Variants in UBR1 observed in about 807,000 individuals in gnomAD.
UBR1 encodes ubiquitin protein ligase E3 component n-recognin 1.
Under a neutral mutation model 242.1 loss-of-function variants are expected in UBR1, and 102 were observed. The observed-to-expected ratio is 0.42, with a 90% CI of 0.36 to 0.50. The LOEUF (loss-of-function observed/expected upper bound fraction) is 0.50. Ranked by LOEUF, UBR1 falls within the 20% of genes least tolerant of loss-of-function variation. The pLI, the probability that UBR1 is intolerant of heterozygous loss-of-function variation, is 0.01. For missense variants in UBR1, 1,772 were observed against 2,101.8 expected (o/e 0.84, Z 3.07); for synonymous variants, 675 against 684.8 (o/e 0.99, Z 0.22).
intron 46 of UBR1, among the ~76,000 whole-genome samples, chr15:42,947,883 C>T (rs1218036538): frequency 1.3e-5 from 2 of 152,066 alleles, no homozygotes; most frequent in Non-Finnish European, 2.9e-5. Context: ...AGATTCAATG[C>T]CATCCCCATC....
At chr15:43,077,963 A>T (rs2033927926) in intron 3 of UBR1, among the ~76,000 whole-genome samples, 1 of 152,194 alleles carries the variant, frequency 6.6e-6, no homozygotes. Context: ...TACTAGGAGA[A>T]CAACAAAAAA....
intron 40 of UBR1, among the ~76,000 whole-genome samples, chr15:42,966,669 C>T (rs1018051087): frequency 2.5e-4 from 37 of 147,030 alleles, no homozygotes; most frequent in African/African-American, 7.3e-4. Flanking sequence ...CAGAGCGAGA[C>T]GCTGACTCAA....
At chr15:43,082,775 T>C in intron 2 of UBR1, 59 bp from the exon 3 acceptor site, 1 of 1,255,282 alleles carries the variant, frequency 8.0e-7, no homozygotes. Flanking sequence ...ATGCTCAAGG[T>C]ATGACTATAA....
intron 6 of UBR1, among the ~76,000 whole-genome samples, chr15:43,065,781 G>A (rs2033745360): frequency 6.6e-6 from 1 of 152,120 alleles, no homozygotes; most frequent in African/African-American, 2.4e-5. Flanking sequence ...TTTGAGAAGT[G>A]TCTGTTCATG....
chr15:43,095,127 C>T lies in UBR1; in HGVS notation c.82-8887G>A, dbSNP rs373700142. Among the ~76,000 whole-genome samples the T allele has an allele frequency of 4.6e-5, 7 of 152,278 alleles. No individual in the cohort carries two copies. The East Asian group carries it at 1.2e-3, about 25-fold the overall frequency. ...TATGGAATATATATCTGCAAACCAA[C>T]TAAAATCCTCTCTTAAATTACAAGG... On this transcript the variant is annotated intron_variant, in intron 1 of 46. Coordinates refer to ENST00000290650, the MANE Select transcript of UBR1 (RefSeq NM_174916.3).
At chr15:43,097,948 G>A (rs2034180694) in intron 1 of UBR1, among the ~76,000 whole-genome samples, 1 of 152,114 alleles carries the variant, frequency 6.6e-6, no homozygotes. Flanking sequence ...TCACAACTTG[G>A]CTAACTGCTT....
chr15:42,981,305 T>A (rs2032374493), intron 37 of UBR1, among the ~76,000 whole-genome samples: 1 of 152,176 alleles, frequency 6.6e-6, no homozygotes, highest in African/African-American at 2.4e-5. Context: ...ACCTATCTAC[T>A]TGAACACATC....
At chr15:43,009,897 A>T (rs1421509888) in intron 29 of UBR1, among the ~76,000 whole-genome samples, 1 of 152,092 alleles carries the variant, frequency 6.6e-6, no homozygotes, top group African/African-American at 2.4e-5. Flanking sequence ...TTTGAGACAG[A>T]GTCTTGCACT....
chr15:42,957,434 G>T (rs1407418422), intron 44 of UBR1, among the ~76,000 whole-genome samples: 1 of 152,164 alleles, frequency 6.6e-6, no homozygotes, highest in Non-Finnish European at 1.5e-5. Flanking sequence ...TAAAGAGGTG[G>T]TGATTGTACA....
chr15:43,065,606 T>C (rs1036005261), intron 6 of UBR1, among the ~76,000 whole-genome samples: 3 of 152,068 alleles, frequency 2.0e-5, no homozygotes, highest in African/African-American at 7.2e-5. Context: ...CAGCATGCAG[T>C]GTTTGGTTTT....
chr15:43,041,708 TGTGTCTCAAA>T (rs1408398542), intron 15 of UBR1, among the ~76,000 whole-genome samples: 1 of 152,130 alleles, frequency 6.6e-6, no homozygotes, highest in Non-Finnish European at 1.5e-5. Flanking sequence ...CAAAAACTCC[TGTGTCTCAAA>T]GAAGACCATC....
intron 5 of UBR1, among the ~76,000 whole-genome samples, chr15:43,068,733 G>A (rs1411095151): frequency 6.6e-6 from 1 of 152,116 alleles, no homozygotes; most frequent in Non-Finnish European, 1.5e-5. Flanking sequence ...TGATTCTCCT[G>A]TCTCAGCCTC....
At chr15:42,958,466 C>A (rs1448801888) in intron 43 of UBR1, among the ~76,000 whole-genome samples, 2 of 152,178 alleles carry the variant, frequency 1.3e-5, no homozygotes, top group African/African-American at 4.8e-5. Context: ...ATTTCCCTGT[C>A]TGTAAACTAG....
chr15:42,986,772 C>G (rs1271025427), intron 35 of UBR1, among the ~76,000 whole-genome samples: 1 of 152,228 alleles, frequency 6.6e-6, no homozygotes, highest in Non-Finnish European at 1.5e-5. Context: ...TCCCCACCCC[C>G]ACAGCTCCCT....
chr15:42,983,684 A>AATAATAATG (rs1715269603), intron 37 of UBR1, among the ~76,000 whole-genome samples: 1 of 147,606 alleles, frequency 6.8e-6, no homozygotes, highest in African/African-American at 2.5e-5. Context: ...TAATAATAAT[A>AATAATAATG]ATAATAATAA....
chr15:43,015,644 A>G (rs751088275), intron 29 of UBR1, 44 bp downstream of exon 29: 1 of 1,603,838 alleles, frequency 6.2e-7, no homozygotes, highest in African/African-American at 1.3e-5. Context: ...ATCAATTTAA[A>G]AAAAAAAAAT....
intron 25 of UBR1, among the ~76,000 whole-genome samples, chr15:43,023,087 G>T (rs2033131285): frequency 6.6e-6 from 1 of 151,832 alleles, no homozygotes. Flanking sequence ...TGGCCAGGCT[G>T]GTCTTAAACT....
chr15:43,079,400 T>C (rs927407223), intron 3 of UBR1, among the ~76,000 whole-genome samples: 10 of 152,342 alleles, frequency 6.6e-5, no homozygotes, highest in Non-Finnish European at 1.2e-4. Context: ...CACCTGAATC[T>C]GTACACTAAA....
intron 37 of UBR1, among the ~76,000 whole-genome samples, chr15:42,981,756 A>G (rs1306784818): frequency 6.6e-6 from 1 of 152,116 alleles, no homozygotes; most frequent in African/African-American, 2.4e-5. Flanking sequence ...ACTTGTCTCA[A>G]TATTTGAAGC....
Sources: gnomAD v4.1 joint callset for allele counts (sites outside exome capture counted in the v4.1 genomes callset) on GRCh38, gnomAD v4.1.1 for gene constraint, MANE v1.5 for transcripts, NCBI Gene and HGNC (gene_info 2026-07-23, HGNC 2026-07-21) for gene names.